FBXO42: variants seen among roughly 807,000 people sequenced by gnomAD.
The protein encoded by FBXO42 is F-box only protein 42.
In FBXO42, 12 loss-of-function variants were observed where a neutral mutation model predicts 71.7. The observed-to-expected ratio is 0.17, with a 90% confidence interval of 0.11 to 0.27. The LOEUF is 0.27. Ranked by LOEUF, FBXO42 falls within the 10% of genes least tolerant of loss-of-function variation. FBXO42 has a pLI of 1.00. For missense variants in FBXO42, 707 were observed against 911.9 expected (o/e 0.78, Z 2.89); for synonymous variants, 325 against 327.5 (o/e 0.99, Z 0.08).
rs749167525 is a variant in FBXO42, at chr1:16,251,593, G to A, written c.1231C>T (p.Leu411=). 8 of 1,614,210 alleles carry A rather than the reference G, an allele frequency of 5.0e-6. No individual in the cohort carries two copies. The Admixed American group carries it at 1.3e-4, about 27-fold the overall frequency. The part of the protein sequence containing the change: ...APCVNGRWGT[L]RPRAQRQTPS... The stretch of plus-strand genomic sequence containing the variant: ...GTCTGCCTTTGAGCCCTGGGTCTCA[G>A]TGTTCCCCAGCGGCCGTTAACACAA... Residue 411 remains leucine (L), a synonymous_variant, in exon 10 of 10, where the codon CTG becomes TTG. Transcript: ENST00000375592. The surrounding 1 kb of genome is among the most constrained non-coding windows in gnomAD (Gnocchi z 4.5).
chr1:16,346,574 G>A (rs965749130), intron 1 of FBXO42, among the ~76,000 whole-genome samples: 1 of 151,416 alleles, frequency 6.6e-6, no homozygotes, highest in East Asian at 2.0e-4. Flanking sequence ...TGTAGTCCCA[G>A]CTACTGAGGA....
In FBXO42 at chr1:16,252,338, C is replaced by T. The variant is rs751234655; in HGVS notation, c.988G>A (p.Glu330Lys). Residue 330 changes from glutamate (E) to lysine (K), a missense_variant, in exon 9 of 10, where the codon GAA becomes AAA. By Grantham distance (56) the Glu-to-Lys change is moderately conservative (BLOSUM62 1). Coordinates refer to ENST00000375592, the MANE Select transcript of FBXO42 (RefSeq NM_018994.3). This position sits in a 1 kb window ranked among gnomAD's most constrained non-coding sequence, Gnocchi z 4.4. ...GPWAWQPLKVENEEHGAPELW... is the reference protein window; with the variant it reads ...GPWAWQPLKVKNEEHGAPELW... ...TCTGGGGCCCCATGCTCTTCATTTT[C>T]TACCTTGAGTGGCTGCCAGGCCCAA... 6.2e-7 allele frequency: 1 copy of T among 1,614,238 alleles called. No homozygotes were observed. The highest frequency in any genetic ancestry group is 8.5e-7 in the Non-Finnish European group (1 of 1,180,042).
At chr1:16,306,147 G>A (rs982180006) in intron 2 of FBXO42, among the ~76,000 whole-genome samples, 25 of 151,728 alleles carry the variant, frequency 1.6e-4, no homozygotes, top group Admixed American at 5.9e-4. Flanking sequence ...TCAGCCTCCC[G>A]AGTAGCTGGG....
intron 1 of FBXO42, among the ~76,000 whole-genome samples, chr1:16,332,732 A>G: frequency 6.6e-6 from 1 of 152,030 alleles, no homozygotes; most frequent in Non-Finnish European, 1.5e-5. Flanking sequence ...GTAGAGATAC[A>G]GTTTCACCAT....
chr1:16,287,793 C>G (rs1397086343), intron 4 of FBXO42, among the ~76,000 whole-genome samples: 1 of 151,982 alleles, frequency 6.6e-6, no homozygotes, highest in Non-Finnish European at 1.5e-5. Context: ...TTTTCAGTGT[C>G]AAACTCTCGG....
intron 1 of FBXO42, among the ~76,000 whole-genome samples, chr1:16,326,556 C>T (rs1349143687): frequency 6.6e-6 from 1 of 151,144 alleles, no homozygotes; most frequent in Non-Finnish European, 1.5e-5. Flanking sequence ...TGGTGGTGCA[C>T]ACTTGTAGTC....
At chr1:16,333,457 G>A (rs12078435) in intron 1 of FBXO42, among the ~76,000 whole-genome samples, 7,699 of 135,408 alleles carry the variant, frequency 0.057, 299 homozygotes, top group Middle Eastern at 0.081. Context: ...CCATTTCCAA[G>A]AAGAAAAAAA....
chr1:16,303,726 C>G (rs2082221068), intron 3 of FBXO42, among the ~76,000 whole-genome samples: 1 of 151,802 alleles, frequency 6.6e-6, no homozygotes, highest in African/African-American at 2.4e-5. Context: ...TGCCACCATA[C>G]CTGGCTAATT....
chr1:16,255,079 G>T (rs1453538143), intron 6 of FBXO42, among the ~76,000 whole-genome samples: 2 of 152,182 alleles, frequency 1.3e-5, no homozygotes, highest in African/African-American at 4.8e-5. Context: ...GGGTAATAAA[G>T]TAGAATAAGT....
At chr1:16,281,324 G>T (rs1397981099) in intron 4 of FBXO42, among the ~76,000 whole-genome samples, 3 of 152,074 alleles carry the variant, frequency 2.0e-5, no homozygotes, top group Non-Finnish European at 4.4e-5. Context: ...TGATATGAAG[G>T]TTAGATAATA....
chr1:16,340,942 C>T (rs1457318820), intron 1 of FBXO42, among the ~76,000 whole-genome samples: 2 of 152,020 alleles, frequency 1.3e-5, no homozygotes, highest in African/African-American at 2.4e-5. Flanking sequence ...TCTATTGTAC[C>T]ATACCAAAAT....
chr1:16,303,568 A>AT lies in FBXO42; in HGVS notation c.367+2234dup, dbSNP rs35346839. 8.4e-3 allele frequency among the ~76,000 whole-genome samples: 1,182 copies of AT among 141,304 alleles called. 8 individuals carry two copies. Among genetic ancestry groups the AT allele is most frequent in the African/African-American group, 0.02 (786 of 38,938 alleles). The allele number at this position is 141,304 out of a possible 152,430, so 92.7% of individuals were successfully genotyped here. On this transcript the variant is annotated intron_variant, in intron 3 of 9. Transcript: ENST00000375592. Reference sequence around the variant, plus strand: ...AAGAGAGAAGAAAGGCAAGAAGATAATTTTTTTTTTTTTTTTGAGACAGAG... The same window carrying AT: ...AAGAGAGAAGAAAGGCAAGAAGATAATTTTTTTTTTTTTTTTTGAGACAGAG...
rs221023 is a variant in FBXO42, at chr1:16,257,974, C to A, written c.503-1215G>T. 3.1e-3 allele frequency among the ~76,000 whole-genome samples: 465 copies of A among 152,308 alleles called. 1 individual carries two copies. The highest frequency in any genetic ancestry group is 6.6e-3 in the South Asian group (32 of 4,824). ...GGGATTACAGGCGTGAGCCACCATG[C>A]CTCGCTGAGAATACTTTTTTTTTTA... is the stretch of plus-strand genomic sequence containing the variant. On this transcript the variant is annotated intron_variant, in intron 4 of 9. Coordinates refer to ENST00000375592, the MANE Select transcript of FBXO42 (RefSeq NM_018994.3).
intron 3 of FBXO42, among the ~76,000 whole-genome samples, chr1:16,299,594 A>T (rs1254271313): frequency 1.3e-5 from 2 of 152,110 alleles, no homozygotes; most frequent in African/African-American, 2.4e-5. Flanking sequence ...TATATTTAGA[A>T]CTCAGATATA....
At chr1:16,269,315 T>C (rs1202166898) in intron 4 of FBXO42, among the ~76,000 whole-genome samples, 1 of 151,830 alleles carries the variant, frequency 6.6e-6, no homozygotes, top group Non-Finnish European at 1.5e-5. Context: ...TCTCAAACTC[T>C]TGACCGTGGG....
intron 1 of FBXO42, among the ~76,000 whole-genome samples, chr1:16,340,388 G>A (rs2082591052): frequency 6.6e-6 from 1 of 151,584 alleles, no homozygotes; most frequent in Non-Finnish European, 1.5e-5. Flanking sequence ...GTGCCATCTC[G>A]GCTCACTGCA....
rs1176813614 is a variant in FBXO42, at chr1:16,251,256, A to G, written c.1568T>C (p.Val523Ala). The change falls in exon 10 of 10, where the codon GTT becomes GCT. Residue 523 changes from valine to alanine, a missense_variant. Val to Ala is a moderately conservative substitution (Grantham distance 64). Around this residue, in one of 5 missense-constraint regions of FBXO42, gnomAD observed 482 missense variants for 587.1 expected, o/e 0.82. Transcript: ENST00000375592. This position sits in a 1 kb window ranked among gnomAD's most constrained non-coding sequence, Gnocchi z 4.5. Reference protein sequence around the residue: ...NPMDGMDNRTVGGSMRHPPEQ... With the variant: ...NPMDGMDNRTAGGSMRHPPEQ... ...AGGAGGGTGTCTCATACTTCCCCCA[A>G]CTGTCCTATTGTCCATGCCATCCAT... 4 of 1,614,218 alleles carry G rather than the reference A, an allele frequency of 2.5e-6. No individual in the cohort carries two copies. Among genetic ancestry groups the G allele is most frequent in the East Asian group, 2.2e-5 (1 of 44,868 alleles).
chr1:16,288,249 G>A (rs1007988764), intron 4 of FBXO42, among the ~76,000 whole-genome samples: 3 of 151,764 alleles, frequency 2.0e-5, no homozygotes, highest in Non-Finnish European at 4.4e-5. Flanking sequence ...GGCCAACATG[G>A]TGAAACCCCA....
chr1:16,274,653 G>A (rs1436150502), intron 4 of FBXO42, among the ~76,000 whole-genome samples: 3 of 134,076 alleles, frequency 2.2e-5, no homozygotes, highest in Non-Finnish European at 4.6e-5. Flanking sequence ...GTGCAGTGGC[G>A]TGAACTTGGC....
Sources: gnomAD v4.1 joint callset for allele counts (sites outside exome capture counted in the v4.1 genomes callset) on GRCh38, gnomAD v4.1.1 for gene constraint, gnomAD v4.1.1 regional missense constraint, Gnocchi (gnomAD v3.1) non-coding constraint, MANE v1.5 for transcripts, NCBI Gene and HGNC (gene_info 2026-07-23, HGNC 2026-07-21) for gene names.